RBFOX1: variants seen among roughly 807,000 people sequenced by gnomAD.
The protein encoded by RBFOX1 is RNA binding protein fox-1 homolog 1.
In RBFOX1, 8 loss-of-function variants were observed where a neutral mutation model predicts 57.7. That is an observed-to-expected ratio of 0.14 (90% CI 0.08 to 0.25). RBFOX1 has a LOEUF of 0.25. Among genes scored for constraint, RBFOX1 ranks in the 10% least tolerant of loss-of-function variants. RBFOX1 has a pLI of 1.00. For missense variants in RBFOX1, 611 were observed against 548.5 expected, an observed-to-expected ratio of 1.11 and a Z score of -1.14; for synonymous variants, 326 against 222.4, an observed-to-expected ratio of 1.47 and a Z score of -4.15.
intron 3 of RBFOX1, among the ~76,000 whole-genome samples, chr16:6,822,265 C>G (rs982411289): frequency 6.6e-6 from 1 of 152,134 alleles, no homozygotes; most frequent in Admixed American, 6.5e-5. Flanking sequence ...TCAGTAGTCC[C>G]ACTTTCTGCC....
chr16:7,499,498 A>C (rs1056054869), intron 4 of RBFOX1, among the ~76,000 whole-genome samples: 4 of 152,222 alleles, frequency 2.6e-5, no homozygotes, highest in African/African-American at 9.6e-5. Context: ...AACCAATAAC[A>C]GTATGTGTTC....
intron 2 of RBFOX1, among the ~76,000 whole-genome samples, chr16:5,499,790 C>G (rs997231370): frequency 1.3e-5 from 2 of 152,072 alleles, no homozygotes; most frequent in Non-Finnish European, 2.9e-5. Flanking sequence ...CCAGGCTGGT[C>G]TTGAACTCCT....
intron 4 of RBFOX1, among the ~76,000 whole-genome samples, chr16:7,292,464 T>G (rs1264494926): frequency 7.0e-6 from 1 of 143,472 alleles, no homozygotes; most frequent in South Asian, 2.1e-4. Flanking sequence ...GTATTATATA[T>G]AATATATAAT....
intron 4 of RBFOX1, among the ~76,000 whole-genome samples, chr16:5,976,642 A>G (rs2060068562): frequency 6.6e-6 from 1 of 152,094 alleles, no homozygotes; most frequent in Non-Finnish European, 1.5e-5. Flanking sequence ...GCCGAGGTAG[A>G]CAGATTACTT....
chr16:6,122,826 G>GTGTA (rs1467099491), intron 1 of RBFOX1, among the ~76,000 whole-genome samples: 1 of 151,854 alleles, frequency 6.6e-6, no homozygotes, highest in Non-Finnish European at 1.5e-5. Context: ...GTGTGTGTGT[G>GTGTA]TGTGTATAAA....
At chr16:5,512,893 C>G (rs933276227) in intron 2 of RBFOX1, among the ~76,000 whole-genome samples, 3 of 152,064 alleles carry the variant, frequency 2.0e-5, no homozygotes, top group African/African-American at 7.2e-5. Context: ...CTTTTAAGGT[C>G]CTCTGGACTG....
intron 1 of RBFOX1, among the ~76,000 whole-genome samples, chr16:6,121,435 C>G (rs1282784773): frequency 6.6e-6 from 1 of 152,188 alleles, no homozygotes; most frequent in Non-Finnish European, 1.5e-5. Context: ...GCTTGAAATC[C>G]TTGATCCTAC....
chr16:6,547,071 C>T (rs1395361419), intron 2 of RBFOX1, among the ~76,000 whole-genome samples: 2 of 152,190 alleles, frequency 1.3e-5, no homozygotes, highest in Non-Finnish European at 2.9e-5. Flanking sequence ...CCTGCTGAAG[C>T]AGAAATGTGT....
intron 2 of RBFOX1, among the ~76,000 whole-genome samples, chr16:5,594,911 C>T (rs911738128): frequency 6.9e-6 from 1 of 144,690 alleles, no homozygotes; most frequent in Non-Finnish European, 1.5e-5. Context: ...GCAGGTGGAT[C>T]ACTTGAGGTC....
chr16:6,613,834 A>C (rs888686280), intron 2 of RBFOX1, among the ~76,000 whole-genome samples: 3 of 152,192 alleles, frequency 2.0e-5, no homozygotes, highest in Admixed American at 6.5e-5. Context: ...GCTACCTGGG[A>C]GGCTGAGGGA....
chr16:6,951,259 A>G (rs1025426505), intron 3 of RBFOX1, among the ~76,000 whole-genome samples: 1 of 152,086 alleles, frequency 6.6e-6, no homozygotes, highest in East Asian at 1.9e-4. Flanking sequence ...AAAGAAACGT[A>G]ATAGAGTCAC....
intron 3 of RBFOX1, among the ~76,000 whole-genome samples, chr16:6,757,603 T>C (rs1415166327): frequency 6.6e-6 from 1 of 152,032 alleles, no homozygotes; most frequent in Non-Finnish European, 1.5e-5. Flanking sequence ...AAAGTTGATC[T>C]CTGGAGGATA....
intron 3 of RBFOX1, among the ~76,000 whole-genome samples, chr16:5,679,829 ATTAAC>A (rs770132270): frequency 6.6e-6 from 1 of 152,304 alleles, no homozygotes; most frequent in East Asian, 1.9e-4. Flanking sequence ...CTCCTTTATA[ATTAAC>A]TTAAGGGAGT....
chr16:5,988,995 C>T (rs1008753655), intron 4 of RBFOX1, among the ~76,000 whole-genome samples: 9 of 151,944 alleles, frequency 5.9e-5, no homozygotes, highest in African/African-American at 1.9e-4. Flanking sequence ...TCTCTGGATT[C>T]CAAATTGCTT....
chr16:6,094,338 C>T (rs1039675918), intron 1 of RBFOX1, among the ~76,000 whole-genome samples: 2 of 152,156 alleles, frequency 1.3e-5, no homozygotes, highest in Non-Finnish European at 1.5e-5. Context: ...TATTCCATTT[C>T]TTTTGAACCC....
At chr16:7,141,683 G>C (rs2073827765) in intron 4 of RBFOX1, among the ~76,000 whole-genome samples, 1 of 152,146 alleles carries the variant, frequency 6.6e-6, no homozygotes, top group Admixed American at 6.5e-5. Context: ...CAAGGGATGA[G>C]CTACTATAGT....
At chr16:7,356,575 G>A (rs1313828549) in intron 4 of RBFOX1, among the ~76,000 whole-genome samples, 2 of 152,208 alleles carry the variant, frequency 1.3e-5, no homozygotes, top group East Asian at 3.9e-4. Flanking sequence ...ATGATAATGA[G>A]TTTGGATTTT....
chr16:7,683,656 T>C (rs1434849684), intron 14 of RBFOX1, among the ~76,000 whole-genome samples: 1 of 152,048 alleles, frequency 6.6e-6, no homozygotes, highest in Non-Finnish European at 1.5e-5. Context: ...ACACACTTTT[T>C]AGGTCGCAGA....
chr16:7,178,590 A>G (rs1182364571), intron 4 of RBFOX1, among the ~76,000 whole-genome samples: 2 of 152,256 alleles, frequency 1.3e-5, no homozygotes, highest in Non-Finnish European at 2.9e-5. Flanking sequence ...TTCCATCACC[A>G]GAATTTAACC....
Sources: allele counts gnomAD v4.1 joint callset (sites outside exome capture counted in the v4.1 genomes callset), GRCh38; gene constraint gnomAD v4.1.1; transcripts MANE v1.5; gene names NCBI Gene and HGNC (gene_info 2026-07-23, HGNC 2026-07-21).